NDE1: variants seen among roughly 807,000 people sequenced by gnomAD.
NDE1 encodes nuclear distribution protein nudE homolog 1.
A neutral mutation model predicts 43.4 loss-of-function variants in NDE1; 28 were observed. The ratio of observed to expected loss-of-function variants is 0.65; its 90% confidence interval spans 0.48 to 0.89. The LOEUF is 0.89. Ranked by LOEUF, NDE1 falls within the 40% of genes least tolerant of loss-of-function variation. NDE1 has a pLI of 0.00. For missense variants in NDE1, 441 were observed against 434.1 expected (o/e 1.02, Z -0.14); for synonymous variants, 184 against 172.0 (o/e 1.07, Z -0.55).
chr16:15,708,783 C>T (rs747927379), intron 8 of NDE1: 15 of 1,602,002 alleles, frequency 9.4e-6, no homozygotes, highest in South Asian at 2.3e-5. Flanking sequence ...CACACAGCTG[C>T]GAAGCTGAAG....
intron 8 of NDE1, among the ~76,000 whole-genome samples, chr16:15,705,634 T>G (rs1282200628): frequency 6.6e-6 from 1 of 151,978 alleles, no homozygotes; most frequent in Admixed American, 6.6e-5. Context: ...CACGCAAGGG[T>G]TGGATAAGAA....
intron 8 of NDE1, chr16:15,711,399 G>C (rs1294181174): frequency 6.6e-6 from 1 of 152,160 alleles, no homozygotes; most frequent in Non-Finnish European, 1.5e-5. Flanking sequence ...GTAGGCTTCA[G>C]GTCTTGGTGA....
intron 8 of NDE1, among the ~76,000 whole-genome samples, chr16:15,722,538 C>G (rs145503391): frequency 5.6e-4 from 86 of 152,344 alleles, no homozygotes; most frequent in African/African-American, 2.0e-3. Context: ...CTGCACTACA[C>G]TCTATGTGAC....
chr16:15,681,113 T>A (rs1453077864), intron 4 of NDE1, among the ~76,000 whole-genome samples: 1 of 151,362 alleles, frequency 6.6e-6, no homozygotes, highest in Non-Finnish European at 1.5e-5. Context: ...CAATATTTTT[T>A]AATTGTTTAA....
In NDE1 at chr16:15,725,930, C is replaced by G; in HGVS notation, c.*1679C>G. 1 of 372,026 alleles carries G rather than the reference C, an allele frequency of 2.7e-6. No individual in the cohort carries two copies. Among genetic ancestry groups the G allele is most frequent in the Non-Finnish European group, 4.8e-6 (1 of 209,732 alleles). 23.0% of individuals were successfully genotyped at this position (372,026 alleles called of 1,614,324 possible). A position where few individuals can be genotyped will look rare whatever the true frequency, so the allele number is the denominator to read the frequency against. ...GCCCTACATCATCTGGGTACAAGCT[C>G]CCCCTCCAACCCCACTCTGTACTAT... On this transcript the variant is annotated 3_prime_UTR_variant, in exon 9 of 9. Coordinates refer to ENST00000396354, the MANE Select transcript of NDE1 (RefSeq NM_017668.3).
intron 3 of NDE1, among the ~76,000 whole-genome samples, chr16:15,673,796 C>G (rs1426762830): frequency 1.3e-5 from 2 of 152,126 alleles, no homozygotes; most frequent in African/African-American, 2.4e-5. Context: ...AGGCACCGCA[C>G]CTGGCTCTGG....
In NDE1 at chr16:15,708,730, C is replaced by T. The variant is rs1170037486; in HGVS notation, c.947+11870C>T. ...GCAAGGGTTTAAAAATTGGGGTGGGCAGAGGGGCGCATTGGGCAGAAAAGA... is the reference window on the plus strand; with the variant it reads ...GCAAGGGTTTAAAAATTGGGGTGGGTAGAGGGGCGCATTGGGCAGAAAAGA... On this transcript the variant is annotated intron_variant, in intron 8 of 8. Coordinates refer to ENST00000396354, the MANE Select transcript of NDE1 (RefSeq NM_017668.3). The T allele has an allele frequency of 2.0e-6, 3 of 1,479,310 alleles. No homozygotes were observed. The East Asian group carries it at 7.1e-5, about 35-fold the overall frequency. 91.6% of individuals were successfully genotyped at this position (1,479,310 alleles called of 1,614,324 possible). A position where few individuals can be genotyped will look rare whatever the true frequency, so the allele number is the denominator to read the frequency against.
chr16:15,672,531 C>T (rs1318952139), intron 3 of NDE1: 1 of 152,162 alleles, frequency 6.6e-6, no homozygotes, highest in African/African-American at 2.4e-5. Context: ...TCAGCTGGGC[C>T]GGACTTCTTA....
chr16:15,716,252 G>C (rs940620411), intron 8 of NDE1, among the ~76,000 whole-genome samples: 1 of 152,034 alleles, frequency 6.6e-6, no homozygotes, highest in Non-Finnish European at 1.5e-5. Context: ...TGTTTGAGCC[G>C]ATGAAAATGT....
chr16:15,694,104 G>A (rs1300963599), intron 6 of NDE1, 61 bp from the exon 7 acceptor site: 7 of 1,590,312 alleles, frequency 4.4e-6, no homozygotes. Context: ...ATCTAGCGAT[G>A]TTAACGCACA....
chr16:15,703,841 C>G, intron 8 of NDE1: 1 of 1,076,856 alleles, frequency 9.3e-7, no homozygotes, highest in Non-Finnish European at 1.4e-6. Flanking sequence ...TGAGGGGTGT[C>G]TGTGATATTT....
rs1275119520 is a variant in NDE1 at position 15,654,625 on chromosome 16, A to C, written c.-44+4331A>C. Among the ~76,000 whole-genome samples, 9 of 150,380 alleles carry C rather than the reference A, an allele frequency of 6.0e-5. No individual in the cohort carries two copies. The East Asian group carries it at 1.2e-3, about 20-fold the overall frequency. On this transcript the variant is annotated intron_variant, in intron 1 of 8. Transcript: ENST00000396354. The stretch of plus-strand genomic sequence containing the variant: ...CTCAAAAAAAAAAAAAACAAAAAAA[A>C]AAAAAACAAAACTGGACCAAATGAA...
intron 8 of NDE1, chr16:15,708,725 GTGGGCAGAGGGGCGCAT>G: frequency 6.9e-7 from 1 of 1,447,436 alleles, no homozygotes; most frequent in South Asian, 1.2e-5. Context: ...AAAAATTGGG[GTGGGCAGAGGGGCGCAT>G]TGGGCAGAAA....
rs574448644 is a variant in NDE1 at position 15,686,032 on chromosome 16, A to G, written c.387-1343A>G. Among the ~76,000 whole-genome samples, 95 of 151,858 alleles carry G rather than the reference A, an allele frequency of 6.3e-4. 3 individuals carry two copies. The highest frequency in any genetic ancestry group is 2.9e-3 in the East Asian group (15 of 5,170). On this transcript the variant is annotated intron_variant, in intron 4 of 8. Coordinates refer to ENST00000396354, the MANE Select transcript of NDE1 (RefSeq NM_017668.3). Reference sequence around the variant, plus strand: ...AGTGGCATGATCTTGGCTCACTGCAACATTCACCTTCTGGGTTCAAGCGAT... The same window carrying G: ...AGTGGCATGATCTTGGCTCACTGCAGCATTCACCTTCTGGGTTCAAGCGAT...
At chr16:15,676,419 C>T (rs1243790253) in intron 3 of NDE1, among the ~76,000 whole-genome samples, 3 of 151,924 alleles carry the variant, frequency 2.0e-5, no homozygotes, top group Non-Finnish European at 4.4e-5. Flanking sequence ...ACCATGTTTT[C>T]GAGGCAGGTC....
chr16:15,716,067 C>T (rs1346901974), intron 8 of NDE1, among the ~76,000 whole-genome samples: 1 of 152,072 alleles, frequency 6.6e-6, no homozygotes, highest in Non-Finnish European at 1.5e-5. Context: ...CACCACTGCA[C>T]ACCAGCCTGG....
At chr16:15,662,607 C>T (rs950692485) in intron 1 of NDE1, among the ~76,000 whole-genome samples, 1 of 150,994 alleles carries the variant, frequency 6.6e-6, no homozygotes, top group African/African-American at 2.4e-5. Context: ...AATAGGATCT[C>T]ACTTCATCAC....
chr16:15,654,762 C>A (rs1409891085), intron 1 of NDE1, among the ~76,000 whole-genome samples: 1 of 148,048 alleles, frequency 6.8e-6, no homozygotes, highest in African/African-American at 2.5e-5. Context: ...CTCACATGCA[C>A]ATTTAGAGAT....
chr16:15,682,459 T>C (rs547904445), intron 4 of NDE1, among the ~76,000 whole-genome samples: 3 of 152,350 alleles, frequency 2.0e-5, no homozygotes, highest in African/African-American at 7.2e-5. Flanking sequence ...AACAAGAGTT[T>C]CTCAGCACCA....
Sources: allele counts gnomAD v4.1 joint callset (sites outside exome capture counted in the v4.1 genomes callset), GRCh38; gene constraint gnomAD v4.1.1; transcripts MANE v1.5; gene names NCBI Gene and HGNC (gene_info 2026-07-23, HGNC 2026-07-21).